The following TRPM3 variants were observed in gnomAD, a reference collection of about 807,000 sequenced individuals.
TRPM3 encodes the protein transient receptor potential cation channel subfamily M member 3.
In TRPM3, 77 loss-of-function variants were observed where a neutral mutation model predicts 181.2. That is an observed-to-expected ratio of 0.42 (90% CI 0.35 to 0.51). The LOEUF is 0.51. TRPM3 is among the 20% of genes least tolerant of loss of function. The pLI, the probability that TRPM3 is intolerant of heterozygous loss-of-function variation, is 0.01. For synonymous variants in TRPM3, 745 were observed against 796.4 expected, an observed-to-expected ratio of 0.94 and a Z score of 1.09; for missense variants, 1,759 against 2,196.7, an observed-to-expected ratio of 0.80 and a Z score of 3.98.
chr9:70,633,775 T>G (rs2066350555), intron 12 of TRPM3, among the ~76,000 whole-genome samples: 2 of 152,250 alleles, frequency 1.3e-5, no homozygotes. Context: ...TCCTGTGAGA[T>G]GAAGAAATCA....
At chr9:70,858,458 A>G (rs2095441526) in intron 3 of TRPM3, among the ~76,000 whole-genome samples, 1 of 152,150 alleles carries the variant, frequency 6.6e-6, no homozygotes, top group Non-Finnish European at 1.5e-5. Flanking sequence ...GAGACCTCCG[A>G]CCTGTGGACA....
chr9:71,120,628 C>T (rs1173734434), intron 1 of TRPM3, among the ~76,000 whole-genome samples: 1 of 152,130 alleles, frequency 6.6e-6, no homozygotes, highest in South Asian at 2.1e-4. Context: ...TTTCTAAAAA[C>T]AAGGACACAA....
At chr9:70,943,056 T>G (rs143457440) in intron 1 of TRPM3, among the ~76,000 whole-genome samples, 344 of 152,198 alleles carry the variant, frequency 2.3e-3, no homozygotes, top group Non-Finnish European at 4.2e-3. Flanking sequence ...GTAAGTTCCA[T>G]TGCTTAATAA....
chr9:70,818,478 C>T (rs971896085), intron 6 of TRPM3, among the ~76,000 whole-genome samples: 2 of 152,192 alleles, frequency 1.3e-5, no homozygotes, highest in Non-Finnish European at 2.9e-5. Flanking sequence ...CTTGCCTCTC[C>T]CCAAAGTCAG....
chr9:71,296,942 A>AT (rs2086315667), intron 1 of TRPM3, among the ~76,000 whole-genome samples: 1 of 151,520 alleles, frequency 6.6e-6, no homozygotes, highest in Admixed American at 6.6e-5. Context: ...ATTTAAAGCG[A>AT]TGAAAATTGA....
chr9:70,563,867 A>C (rs575677200), intron 22 of TRPM3, among the ~76,000 whole-genome samples: 1 of 152,330 alleles, frequency 6.6e-6, no homozygotes, highest in East Asian at 1.9e-4. Flanking sequence ...TTTTGTTCCC[A>C]GTCAGCTCAC....
At chr9:71,023,245 C>T (rs552359864) in intron 1 of TRPM3, among the ~76,000 whole-genome samples, 30 of 152,200 alleles carry the variant, frequency 2.0e-4, no homozygotes, top group Admixed American at 4.6e-4. Context: ...GATGTTCAAA[C>T]GTAATTCGCC....
intron 1 of TRPM3, among the ~76,000 whole-genome samples, chr9:71,230,618 A>G (rs1180739372): frequency 2.0e-5 from 3 of 152,208 alleles, no homozygotes; most frequent in Non-Finnish European, 4.4e-5. Context: ...ATTAAAAATT[A>G]AAGTTCAAGA....
intron 1 of TRPM3, among the ~76,000 whole-genome samples, chr9:70,905,002 G>A (rs1014416020): frequency 6.6e-6 from 1 of 152,184 alleles, no homozygotes; most frequent in Non-Finnish European, 1.5e-5. Flanking sequence ...AATCTCAACT[G>A]TTTTGGCAAC....
At chr9:70,645,410 C>A (rs763001722) in intron 9 of TRPM3, among the ~76,000 whole-genome samples, 28 of 152,126 alleles carry the variant, frequency 1.8e-4, no homozygotes, top group Non-Finnish European at 3.2e-4. Context: ...TGCCACACAT[C>A]TACAACCATC....
chr9:70,897,143 T>C (rs2096290306), intron 1 of TRPM3, among the ~76,000 whole-genome samples: 1 of 145,366 alleles, frequency 6.9e-6, no homozygotes, highest in African/African-American at 2.6e-5. Flanking sequence ...AATAAATTCT[T>C]GTTAACTGTA....
chr9:71,199,578 A>C (rs2078638550), intron 1 of TRPM3, among the ~76,000 whole-genome samples: 1 of 152,156 alleles, frequency 6.6e-6, no homozygotes, highest in African/African-American at 2.4e-5. Flanking sequence ...TCAGAGATTC[A>C]ACTTCTTCCT....
chr9:70,586,941 A>T (rs2057238834), intron 22 of TRPM3, among the ~76,000 whole-genome samples: 1 of 152,250 alleles, frequency 6.6e-6, no homozygotes, highest in Non-Finnish European at 1.5e-5. Flanking sequence ...ACACATGACA[A>T]AAACAACACT....
intron 1 of TRPM3, among the ~76,000 whole-genome samples, chr9:71,221,894 C>T (rs2080264492): frequency 6.6e-6 from 1 of 152,108 alleles, no homozygotes; most frequent in Non-Finnish European, 1.5e-5. Flanking sequence ...AAGCAGCTAC[C>T]CAGAGCTGCA....
intron 8 of TRPM3, among the ~76,000 whole-genome samples, chr9:70,691,321 A>G (rs182455149): frequency 3.9e-5 from 6 of 152,346 alleles, no homozygotes; most frequent in Admixed American, 3.9e-4. Context: ...GAATTTATAC[A>G]TTAGAAAAAA....
chr9:71,353,344 C>G (rs1030424690), intron 1 of TRPM3, among the ~76,000 whole-genome samples: 13 of 152,110 alleles, frequency 8.5e-5, no homozygotes, highest in Non-Finnish European at 1.8e-4. Flanking sequence ...GTGTTTGGAA[C>G]AGTGACTGGC....
intron 7 of TRPM3, among the ~76,000 whole-genome samples, chr9:70,766,753 C>T (rs1159583621): frequency 6.6e-6 from 1 of 152,164 alleles, no homozygotes; most frequent in African/African-American, 2.4e-5. Context: ...GGTAACATGA[C>T]AAGTAACACC....
intron 1 of TRPM3, among the ~76,000 whole-genome samples, chr9:71,419,621 T>C (rs2093695077): frequency 1.3e-5 from 2 of 151,980 alleles, no homozygotes; most frequent in Admixed American, 6.6e-5. Context: ...TAACCAAAGA[T>C]ACATATCACA....
chr9:70,958,940 T>C (rs971448609), intron 1 of TRPM3, among the ~76,000 whole-genome samples: 1 of 144,956 alleles, frequency 6.9e-6, no homozygotes, highest in Non-Finnish European at 1.5e-5. Flanking sequence ...CACTCATAGA[T>C]GGGAATTGAA....
Sources: allele counts gnomAD v4.1 joint callset (sites outside exome capture counted in the v4.1 genomes callset), GRCh38; gene constraint gnomAD v4.1.1; transcripts MANE v1.5; gene names NCBI Gene and HGNC (gene_info 2026-07-23, HGNC 2026-07-21).